The following SIRT4 variants were observed in gnomAD, a reference collection of about 807,000 sequenced individuals.
SIRT4 encodes the protein sirtuin 4, also known as NAD-dependent protein lipoamidase sirtuin-4, mitochondrial.
SIRT4 carries 23 observed loss-of-function variants against 26.1 expected under a neutral mutation model. The ratio of observed to expected loss-of-function variants is 0.88; its 90% confidence interval spans 0.63 to 1.25. The LOEUF is 1.25. SIRT4 is among the 50% of genes most tolerant of loss of function. The probability of loss-of-function intolerance (pLI) is 0.00; values close to 1 mark genes in which losing one functional copy is unlikely to be tolerated. For missense variants in SIRT4, 361 were observed against 405.4 expected (o/e 0.89, Z 0.94); for synonymous variants, 155 against 158.4 (o/e 0.98, Z 0.16).
At chr12:120,291,789 C>CT in the SIRT4 span, 3 of 152,158 alleles carry the variant, frequency 2.0e-5, no homozygotes, top group East Asian at 1.9e-4. Context: ...CAAAAATTGC[C>CT]AATGCCGACT....
Position 120,304,025 on chromosome 12 carries a change from G to C in SIRT4, c.464G>C (p.Arg155Pro). Residue 155 changes from arginine (R) to proline (P), a missense_variant, in exon 2 of 4, where the codon CGG becomes CCG. Coordinates refer to ENST00000202967, the MANE Select transcript of SIRT4 (RefSeq NM_012240.3). ...VDALHTKAGS[R>P]RLTELHGCMD... is the part of the protein sequence containing the mutation. ...GCTTTGCACACCAAGGCGGGGAGTC[G>C]GCGCCTGACAGAGCTCCACGGATGC... is the stretch of plus-strand genomic sequence containing the variant. 1 of 1,611,104 alleles carries C rather than the reference G, an allele frequency of 6.2e-7. No homozygotes were observed. The highest frequency in any genetic ancestry group is 1.6e-4 in the Middle Eastern group (1 of 6,062).
chr12:120,296,240 C>T, the SIRT4 span, among the ~76,000 whole-genome samples: 2 of 149,502 alleles, frequency 1.3e-5, no homozygotes, highest in Non-Finnish European at 3.0e-5. Flanking sequence ...TTTTTTGAGA[C>T]GGAGTCTCGC....
In SIRT4 at chr12:120,303,991, A is replaced by G; in HGVS notation, c.430A>G (p.Asn144Asp). The G allele has an allele frequency of 1.2e-6, 2 of 1,614,074 alleles. No individual in the cohort carries two copies. The highest frequency in any genetic ancestry group is 1.7e-6 in the Non-Finnish European group (2 of 1,180,034). Residue 144 changes from asparagine (N) to aspartate (D), a missense_variant, in exon 2 of 4, where the codon AAT becomes GAT. Physicochemically the swap from Asn to Asp is conservative, Grantham distance 23. Transcript: ENST00000202967. ...LGKLYWLVTQ[N>D]VDALHTKAGS... ...AAAGCTGTACTGGTTGGTGACCCAA[A>G]ATGTGGATGCTTTGCACACCAAGGC...
the SIRT4 span, among the ~76,000 whole-genome samples, chr12:120,295,217 CT>C: frequency 2.8e-4 from 38 of 134,804 alleles, no homozygotes; most frequent in African/African-American, 4.1e-4. Context: ...TTCTGTTTTC[CT>C]TTTTTTTTTT....
the SIRT4 span, among the ~76,000 whole-genome samples, chr12:120,294,377 C>T: frequency 6.6e-6 from 1 of 151,732 alleles, no homozygotes; most frequent in Non-Finnish European, 1.5e-5. Flanking sequence ...GATCAACCTC[C>T]GCCTCCCAGG....
upstream of SIRT4, among the ~76,000 whole-genome samples, chr12:120,298,953 G>A (rs1038240732): frequency 6.6e-5 from 7 of 105,984 alleles, no homozygotes; most frequent in African/African-American, 2.1e-4. Flanking sequence ...ATAGCCGGGC[G>A]CGGTGGCTCA....
At chr12:120,301,355 AAACAAAC>A (rs982082178), upstream of SIRT4, among the ~76,000 whole-genome samples, 6 of 98,784 alleles carry the variant, frequency 6.1e-5, no homozygotes, top group South Asian at 5.3e-4. Context: ...AAAAACAAAC[AAACAAAC>A]AACAACAACA....
rs756153620 is a variant in SIRT4 at position 120,303,912 on chromosome 12, C to T, written c.351C>T (p.Ser117=). ...ACTTCGTAGGCTGGCCTCAATTCTCCTCCCACCAGCCTAACCCTGCACACT... is the reference window on the plus strand; with the variant it reads ...ACTTCGTAGGCTGGCCTCAATTCTCTTCCCACCAGCCTAACCCTGCACACT... ...ARNFVGWPQF[S]SHQPNPAHWA... Residue 117 remains serine, a synonymous_variant, in exon 2 of 4, where the codon TCC becomes TCT. Coordinates refer to ENST00000202967, the MANE Select transcript of SIRT4 (RefSeq NM_012240.3). The T allele has an allele frequency of 1.7e-5, 27 of 1,614,180 alleles. 1 individual carries two copies. Among genetic ancestry groups the T allele is most frequent in the Middle Eastern group, 1.6e-4 (1 of 6,062 alleles).
chr12:120,301,359 A>AAACAAC (rs71753742), upstream of SIRT4, among the ~76,000 whole-genome samples: 1 of 151,672 alleles, frequency 6.6e-6, no homozygotes, highest in African/African-American at 2.4e-5. Flanking sequence ...ACAAACAAAC[A>AAACAAC]AACAACAACA....
At chr12:120,301,055 C>T (rs1286228429), upstream of SIRT4, among the ~76,000 whole-genome samples, 1 of 152,134 alleles carries the variant, frequency 6.6e-6, no homozygotes, top group Non-Finnish European at 1.5e-5. Flanking sequence ...ACTGTAAAAA[C>T]ATCACTTTTG....
chr12:120,301,622 A>G (rs1872553120), upstream of SIRT4, among the ~76,000 whole-genome samples: 1 of 152,146 alleles, frequency 6.6e-6, no homozygotes, highest in South Asian at 2.1e-4. Flanking sequence ...CAACATGGTG[A>G]AACTCTGTCT....
At chr12:120,311,872 A>G (rs1872991592) in intron 2 of SIRT4, among the ~76,000 whole-genome samples, 1 of 151,992 alleles carries the variant, frequency 6.6e-6, no homozygotes, top group African/African-American at 2.4e-5. Flanking sequence ...GAGCAAGGGA[A>G]AGTATAGAGG....
the SIRT4 span, among the ~76,000 whole-genome samples, chr12:120,297,265 A>C: frequency 7.4e-6 from 1 of 135,630 alleles, no homozygotes; most frequent in East Asian, 2.1e-4. Flanking sequence ...TACATACATA[A>C]AATAAAATAA....
intron 2 of SIRT4, among the ~76,000 whole-genome samples, chr12:120,309,001 A>C (rs1402293554): frequency 6.6e-6 from 1 of 152,026 alleles, no homozygotes; most frequent in Non-Finnish European, 1.5e-5. Flanking sequence ...AAACCCTGTC[A>C]CTACTAAAAG....
At position 120,312,704 on chromosome 12, in the gene SIRT4, G is replaced by T. The variant is rs200459757; in HGVS notation, c.746G>T (p.Arg249Leu). 3 of 1,613,936 alleles carry T rather than the reference G, an allele frequency of 1.9e-6. No individual in the cohort carries two copies. The highest frequency in any genetic ancestry group is 2.5e-6 in the Non-Finnish European group (3 of 1,180,018). ...GACAAGGTTGATTTTGTGCACAAGC[G>T]TGTAAAAGAAGCCGACTCCCTCTTG... Reference protein sequence around the residue: ...NPDKVDFVHKRVKEADSLLVV... With the variant: ...NPDKVDFVHKLVKEADSLLVV... Residue 249 changes from arginine to leucine, a missense_variant, in exon 3 of 4, where the codon CGT becomes CTT. By Grantham distance (102) the Arg-to-Leu change is moderately radical. Coordinates refer to ENST00000202967, the MANE Select transcript of SIRT4 (RefSeq NM_012240.3).
chr12:120,292,810 AAG>A, the SIRT4 span, among the ~76,000 whole-genome samples: 1 of 151,980 alleles, frequency 6.6e-6, no homozygotes, highest in South Asian at 2.1e-4. Flanking sequence ...TCGTCTCAAA[AAG>A]AAAACAGTGC....
Position 120,303,800 on chromosome 12 carries a change from G to A in SIRT4, c.239G>A (p.Gly80Glu). The A allele has an allele frequency of 6.2e-7, 1 of 1,614,064 alleles. No individual in the cohort carries two copies. Among genetic ancestry groups the A allele is most frequent in the Middle Eastern group, 1.6e-4 (1 of 6,062 alleles). The change falls in exon 2 of 4, where the codon GGG becomes GAG. Residue 80 changes from glycine to glutamate, a missense_variant. Transcript: ENST00000202967. Reference sequence around the variant, plus strand: ...CCAGACTACAGGTCAGAAAAAGTGGGGCTTTATGCCCGCACTGACCGCAGG... The same window carrying A: ...CCAGACTACAGGTCAGAAAAAGTGGAGCTTTATGCCCGCACTGACCGCAGG... ...GIPDYRSEKV[G>E]LYARTDRRPI...
At position 120,312,978 on chromosome 12, in the gene SIRT4, CG is replaced by C; in HGVS notation, c.888del (p.Cys297ValfsTer2). 6.2e-7 allele frequency: 1 copy of C among 1,614,106 alleles called. No individual in the cohort carries two copies. Among genetic ancestry groups the C allele is most frequent in the Non-Finnish European group, 8.5e-7 (1 of 1,180,036 alleles). Reference protein sequence around the residue: ...NIGPTRSDDLACLKLNSRCGE... With the variant: ...NIGPTRSDDLXCLKLNSRCGE... ...GGGCCCACACGGTCGGATGACTTGGCGTGTCTGAAACTGAATTCTCGTTGTG... is the reference window on the plus strand; with the variant it reads ...GGGCCCACACGGTCGGATGACTTGGCTGTCTGAAACTGAATTCTCGTTGTG... On this transcript the variant is annotated frameshift_variant, in exon 4 of 4. Transcript: ENST00000202967. LOFTEE classifies it high-confidence loss of function.
chr12:120,306,229 A>G (rs1179508637), intron 2 of SIRT4, among the ~76,000 whole-genome samples: 2 of 152,050 alleles, frequency 1.3e-5, no homozygotes, highest in Non-Finnish European at 2.9e-5. Context: ...TAATCCCAGC[A>G]CTTTGGGAGG....
Sources: allele counts gnomAD v4.1 joint callset (sites outside exome capture counted in the v4.1 genomes callset), GRCh38; gene constraint gnomAD v4.1.1; transcripts MANE v1.5; gene names NCBI Gene and HGNC (gene_info 2026-07-23, HGNC 2026-07-21).